Variants in ZCCHC14 observed in about 807,000 individuals in gnomAD.
ZCCHC14 encodes the protein zinc finger CCHC domain-containing protein 14.
A neutral mutation model predicts 85.0 loss-of-function variants in ZCCHC14; 16 were observed. That is an observed-to-expected ratio of 0.19 (90% CI 0.13 to 0.29). The LOEUF (loss-of-function observed/expected upper bound fraction) is 0.29, where lower values mean the gene tolerates loss of function less well. ZCCHC14 is among the 10% of genes least tolerant of loss of function. The pLI, the probability that ZCCHC14 is intolerant of heterozygous loss-of-function variation, is 1.00. For missense variants in ZCCHC14, 1,303 were observed against 1,443.5 expected, an observed-to-expected ratio of 0.90 and a Z score of 1.58; for synonymous variants, 775 against 630.7, an observed-to-expected ratio of 1.23 and a Z score of -3.43.
intron 8 of ZCCHC14, 53 bp from the exon 9 acceptor site, chr16:87,415,420 A>C: frequency 6.7e-7 from 1 of 1,487,558 alleles, no homozygotes; most frequent in Non-Finnish European, 9.3e-7. Flanking sequence ...TAGGACTCTG[A>C]GAACAAAGAA....
At chr16:87,446,452 C>A (rs1910442117) in intron 2 of ZCCHC14, among the ~76,000 whole-genome samples, 1 of 150,014 alleles carries the variant, frequency 6.7e-6, no homozygotes, top group Non-Finnish European at 1.5e-5. Flanking sequence ...CCACCGCACT[C>A]CAGCCTGGGC....
chr16:87,431,923 C>T (rs908281653), intron 3 of ZCCHC14, among the ~76,000 whole-genome samples: 4 of 152,212 alleles, frequency 2.6e-5, no homozygotes, highest in African/African-American at 7.2e-5. Context: ...ACTACCATCA[C>T]AGGCACCAGC....
chr16:87,435,811 A>C (rs1433457526), intron 2 of ZCCHC14, among the ~76,000 whole-genome samples: 1 of 152,244 alleles, frequency 6.6e-6, no homozygotes, highest in Admixed American at 6.5e-5. Flanking sequence ...ACAAATGTTT[A>C]TTTCCTTTCT....
rs527551096 is a variant in ZCCHC14, at chr16:87,490,595, T to G, written c.570+1074A>C. ...GGCCAGGACGCCCTTCCGGTTCAAT[T>G]TGGAGACCGGAGATCTTTAACCTAA... is the stretch of plus-strand genomic sequence containing the variant. On this transcript the variant is annotated intron_variant, in intron 1 of 12. Transcript: ENST00000671377. 2.0e-5 allele frequency among the ~76,000 whole-genome samples: 3 copies of G among 152,350 alleles called. No individual in the cohort carries two copies. The South Asian group carries it at 6.2e-4, about 32-fold the overall frequency.
At chr16:87,489,879 A>C (rs1418694110) in intron 1 of ZCCHC14, among the ~76,000 whole-genome samples, 2 of 152,236 alleles carry the variant, frequency 1.3e-5, no homozygotes, top group African/African-American at 4.8e-5. Context: ...AATCCCCTTA[A>C]AGAGATGACG....
At chr16:87,450,370 C>A (rs905203971) in intron 2 of ZCCHC14, among the ~76,000 whole-genome samples, 9 of 152,184 alleles carry the variant, frequency 5.9e-5, no homozygotes, top group Non-Finnish European at 1.3e-4. Flanking sequence ...TGAACATTCA[C>A]CATCACACTG....
At chr16:87,437,489 G>A (rs1357439479) in intron 2 of ZCCHC14, among the ~76,000 whole-genome samples, 22 of 152,212 alleles carry the variant, frequency 1.4e-4, no homozygotes, top group Non-Finnish European at 2.2e-4. Context: ...ATGGCGATTC[G>A]GCCACAGCGC....
At chr16:87,428,802 T>C (rs1053561172) in intron 3 of ZCCHC14, among the ~76,000 whole-genome samples, 2 of 152,254 alleles carry the variant, frequency 1.3e-5, no homozygotes, top group African/African-American at 2.4e-5. Flanking sequence ...ATAAACTTTT[T>C]GGAAGGAGTC....
At chr16:87,431,761 G>A (rs148754935) in intron 3 of ZCCHC14, among the ~76,000 whole-genome samples, 138 of 152,262 alleles carry the variant, frequency 9.1e-4, no homozygotes, top group African/African-American at 3.2e-3. Flanking sequence ...GGTGTCACAC[G>A]CGACCACTGC....
chr16:87,485,946 TG>T (rs1912497315), intron 1 of ZCCHC14, among the ~76,000 whole-genome samples: 1 of 152,124 alleles, frequency 6.6e-6, no homozygotes, highest in African/African-American at 2.4e-5. Flanking sequence ...TCTTCGCACT[TG>T]AACAAATGAT....
chr16:87,446,323 A>C (rs1910435722), intron 2 of ZCCHC14, among the ~76,000 whole-genome samples: 1 of 152,190 alleles, frequency 6.6e-6, no homozygotes, highest in South Asian at 2.1e-4. Flanking sequence ...GTCTCTACTA[A>C]AAATACAAAA....
chr16:87,474,434 C>T (rs971939538), intron 1 of ZCCHC14: 13 of 152,168 alleles, frequency 8.5e-5, no homozygotes, highest in Admixed American at 6.5e-4. Flanking sequence ...ACACATGGTT[C>T]GTATTTATTT....
chr16:87,491,679 G>T lies in ZCCHC14; in HGVS notation c.560C>A (p.Ala187Asp), dbSNP rs1371992442. 7.0e-7 allele frequency: 1 copy of T among 1,418,512 alleles called. No homozygotes were observed. Among genetic ancestry groups the T allele is most frequent in the East Asian group, 2.9e-5 (1 of 34,180 alleles). 87.9% of individuals were successfully genotyped at this position (1,418,512 alleles called of 1,614,324 possible). ...GGGGCGGGCACGCACCTTGTGGCAGGCTGGGCAAGTGGGCAGCGCGCCGCC... is the reference window on the plus strand; with the variant it reads ...GGGGCGGGCACGCACCTTGTGGCAGTCTGGGCAAGTGGGCAGCGCGCCGCC... ...GPGGALPTCP[A>D]CHKITPRTEA... The change falls in exon 1 of 13, where the codon GCC becomes GAC. Residue 187 changes from alanine to aspartate, a missense_variant. Ala to Asp is a moderately radical substitution (Grantham distance 126). This residue lies in a region of ZCCHC14 where 389 missense variants were observed against 397.8 expected (regional missense o/e 0.98). Transcript: ENST00000671377. The surrounding 1 kb of genome is among the most constrained non-coding windows in gnomAD (Gnocchi z 5.9).
At chr16:87,488,215 G>A (rs534424400) in intron 1 of ZCCHC14, among the ~76,000 whole-genome samples, 2 of 152,258 alleles carry the variant, frequency 1.3e-5, no homozygotes, top group South Asian at 4.1e-4. Flanking sequence ...CAAAGAAAAA[G>A]CCGCAAAGGA....
At chr16:87,451,559 C>G (rs1910704066) in intron 2 of ZCCHC14, among the ~76,000 whole-genome samples, 1 of 152,216 alleles carries the variant, frequency 6.6e-6, no homozygotes, top group African/African-American at 2.4e-5. Flanking sequence ...AGGAAAGTCA[C>G]TTATTTACAT....
At chr16:87,427,145 T>C (rs189780358) in intron 3 of ZCCHC14, among the ~76,000 whole-genome samples, 2 of 152,334 alleles carry the variant, frequency 1.3e-5, no homozygotes, top group Non-Finnish European at 2.9e-5. Context: ...GGGTGAGACA[T>C]GAAGACACCC....
In ZCCHC14 at chr16:87,411,301, C is replaced by G. The variant is rs1025618673; in HGVS notation, c.3205+215G>C. 5 of 1,410,676 alleles carry G rather than the reference C, an allele frequency of 3.5e-6. No homozygotes were observed. The Admixed American group carries it at 9.5e-5, about 27-fold the overall frequency. The allele number at this position is 1,410,676 out of a possible 1,614,324, so 87.4% of individuals were successfully genotyped here. A position where few individuals can be genotyped will look rare whatever the true frequency, so the allele number is the denominator to read the frequency against. ...ACACTGGCTAAGCACCTTCTAGAAC[C>G]AGAGGCTGTCTGAAATCATCATGGC... On this transcript the variant is annotated intron_variant, in intron 12 of 12. Coordinates refer to ENST00000671377, the MANE Select transcript of ZCCHC14 (RefSeq NM_015144.3).
chr16:87,475,730 G>A (rs555700199), intron 1 of ZCCHC14, among the ~76,000 whole-genome samples: 3 of 152,084 alleles, frequency 2.0e-5, no homozygotes, highest in African/African-American at 4.8e-5. Flanking sequence ...AAAAAGATCT[G>A]AAAGGAAAAC....
At chr16:87,463,594 A>G (rs1247882359) in intron 1 of ZCCHC14, among the ~76,000 whole-genome samples, 7 of 152,150 alleles carry the variant, frequency 4.6e-5, no homozygotes, top group Non-Finnish European at 8.8e-5. Flanking sequence ...CGAGGCGGAC[A>G]GATCACCTGA....
Sources: allele counts gnomAD v4.1 joint callset (sites outside exome capture counted in the v4.1 genomes callset), GRCh38; gene constraint gnomAD v4.1.1; regional missense constraint gnomAD v4.1.1; non-coding constraint Gnocchi (gnomAD v3.1); transcripts MANE v1.5; gene names NCBI Gene and HGNC (gene_info 2026-07-23, HGNC 2026-07-21).